The following ZNF629 variants were observed in gnomAD, a reference collection of about 807,000 sequenced individuals.
ZNF629 encodes the protein DNA-binding protein.
In ZNF629, 9 loss-of-function variants were observed where a neutral mutation model predicts 59.7. That is an observed-to-expected ratio of 0.15 (90% CI 0.09 to 0.26). The LOEUF is 0.26. ZNF629 is among the 10% of genes least tolerant of loss of function. The pLI is 1.00. For missense variants in ZNF629, 853 were observed against 1,165.4 expected (o/e 0.73, Z 3.90); for synonymous variants, 509 against 498.9 (o/e 1.02, Z -0.27).
In ZNF629 at chr16:30,787,187, C is replaced by T. The variant is rs2054342892; in HGVS notation, c.-193G>A. The T allele has an allele frequency of 6.5e-6, 1 of 153,004 alleles. No homozygotes were observed. 9.5% of individuals were successfully genotyped at this position (153,004 alleles called of 1,614,324 possible). A position where few individuals can be genotyped will look rare whatever the true frequency, so the allele number is the denominator to read the frequency against. On this transcript the variant is annotated 5_prime_UTR_variant, in exon 1 of 3. Coordinates refer to ENST00000262525, the MANE Select transcript of ZNF629 (RefSeq NM_001080417.3). ...GGACCCGGGGACCAGTTCAGGGTGA[C>T]TGGGACGGAGCAGGAAGTGACCCCA...
At position 30,782,768 on chromosome 16, in the gene ZNF629, C is replaced by T. The variant is rs1369970941; in HGVS notation, c.1560G>A (p.Gly520=). 1.2e-6 allele frequency: 2 copies of T among 1,613,766 alleles called. No individual in the cohort carries two copies. Among genetic ancestry groups the T allele is most frequent in the Non-Finnish European group, 1.7e-6 (2 of 1,179,886 alleles). Reference sequence around the variant, plus strand: ...GCTCGTGGGCTTCCAGGAAGGCCTTCCCGCAGTCGGAGCACACGAACAGGT... The same window carrying T: ...GCTCGTGGGCTTCCAGGAAGGCCTTTCCGCAGTCGGAGCACACGAACAGGT... ...DENLFVCSDC[G]KAFLEAHELE... Residue 520 remains glycine (G), a synonymous_variant, in exon 3 of 3, where the codon GGG becomes GGA. Coordinates refer to ENST00000262525, the MANE Select transcript of ZNF629 (RefSeq NM_001080417.3).
In ZNF629 at chr16:30,782,996, G is replaced by T. The variant is rs2054297908; in HGVS notation, c.1332C>A (p.Thr444=). The T allele has an allele frequency of 1.2e-6, 2 of 1,613,824 alleles. No homozygotes were observed. The highest frequency in any genetic ancestry group is 2.7e-5 in the African/African-American group (2 of 74,850). ...TGTGGATGCGCTGGTGGCGGATAAGGGTGGAGCTCATGATGAAGCTCTTGC... is the reference window on the plus strand; with the variant it reads ...TGTGGATGCGCTGGTGGCGGATAAGTGTGGAGCTCATGATGAAGCTCTTGC... ...DCGKSFIMSS[T]LIRHQRIHTG... The change falls in exon 3 of 3, where the codon ACC becomes ACA. Residue 444 remains threonine (T), a synonymous_variant. Coordinates refer to ENST00000262525, the MANE Select transcript of ZNF629 (RefSeq NM_001080417.3).
Position 30,783,231 on chromosome 16 carries a change from C to CGCT in ZNF629, c.1094_1096dup (p.Gln365dup). On this transcript the variant is annotated inframe_insertion, in exon 3 of 3. Coordinates refer to ENST00000262525, the MANE Select transcript of ZNF629 (RefSeq NM_001080417.3). ...GAACGGGTCCTCGCGCAGGTGAGTC[C>CGCT]GCTGGTGCTTGATGAGGGTGGAGCT... The CGCT allele has an allele frequency of 6.2e-7, 1 of 1,613,144 alleles. No individual in the cohort carries two copies. Among genetic ancestry groups the CGCT allele is most frequent in the Non-Finnish European group, 8.5e-7 (1 of 1,179,700 alleles).
In ZNF629 at chr16:30,780,718, ACT is replaced by A. The variant is rs2054272741; in HGVS notation, c.*998_*999del. On this transcript the variant is annotated 3_prime_UTR_variant, in exon 3 of 3. Coordinates refer to ENST00000262525, the MANE Select transcript of ZNF629 (RefSeq NM_001080417.3). The stretch of plus-strand genomic sequence containing the variant: ...TGCCTGGTGTGGGGAGAACCCTTGC[ACT>A]CTGAGAGCTGGGACCTGCCTGCTAC... 1 of 152,164 alleles carries A rather than the reference ACT, an allele frequency of 6.6e-6. No individual in the cohort carries two copies. Among genetic ancestry groups the A allele is most frequent in the South Asian group, 2.1e-4 (1 of 4,818 alleles). The allele number at this position is 152,164 out of a possible 1,614,324, so 9.4% of individuals were successfully genotyped here.
At position 30,783,209 on chromosome 16, in the gene ZNF629, C is replaced by G; in HGVS notation, c.1119G>C (p.Pro373=). ...TCTTGCCGCACACTGGGCACTTGAA[C>G]GGGTCCTCGCGCAGGTGAGTCCGCT... is the stretch of plus-strand genomic sequence containing the variant. The part of the protein sequence containing the change: ...KHQRTHLRED[P]FKCPVCGKTF... The change falls in exon 3 of 3, where the codon CCG becomes CCC. Residue 373 remains proline (P), a synonymous_variant. Coordinates refer to ENST00000262525, the MANE Select transcript of ZNF629 (RefSeq NM_001080417.3). The G allele has an allele frequency of 6.2e-7, 1 of 1,609,386 alleles. No homozygotes were observed. The highest frequency in any genetic ancestry group is 1.1e-5 in the South Asian group (1 of 90,874).
Position 30,783,248 on chromosome 16 carries a change from G to A in ZNF629, c.1080C>T (p.Thr360=), listed in dbSNP as rs772421214. 7 of 1,613,708 alleles carry A rather than the reference G, an allele frequency of 4.3e-6. No homozygotes were observed. In the East Asian group the frequency reaches 1.3e-4, roughly 31 times the overall value. Residue 360 remains threonine (T), a synonymous_variant, in exon 3 of 3, where the codon ACC becomes ACT. Transcript: ENST00000262525. ...ECGKSFGHSS[T]LIKHQRTHLR... The stretch of plus-strand genomic sequence containing the variant: ...GGTGAGTCCGCTGGTGCTTGATGAG[G>A]GTGGAGCTGTGGCCGAAGCTCTTGC...
At position 30,786,191 on chromosome 16, in the gene ZNF629, T is replaced by C. The variant is rs910265864; in HGVS notation, c.-34+837A>G. ...TTAGCGTTTAGGAAGTAAATTAATT[T>C]CTTCATCTCTGCAGCTACTTAAGCT... is the stretch of plus-strand genomic sequence containing the variant. On this transcript the variant is annotated intron_variant, in intron 1 of 2. Transcript: ENST00000262525. The surrounding 1 kb of genome is among the most constrained non-coding windows in gnomAD (Gnocchi z 4.8). Among the ~76,000 whole-genome samples the C allele has an allele frequency of 1.3e-5, 2 of 152,102 alleles. No individual in the cohort carries two copies. The highest frequency in any genetic ancestry group is 2.9e-5 in the Non-Finnish European group (2 of 68,024).
rs1228184973 is a variant in ZNF629 at position 30,779,006 on chromosome 16, G to C, written c.*2712C>G. 1 of 152,260 alleles carries C rather than the reference G, an allele frequency of 6.6e-6. No individual in the cohort carries two copies. The highest frequency in any genetic ancestry group is 1.5e-5 in the Non-Finnish European group (1 of 68,098). The allele number at this position is 152,260 out of a possible 1,614,324, so 9.4% of individuals were successfully genotyped here. ...TCCCAAGACGTAGCTCACTCTGGGA[G>C]GGAAGCTCCTGGTTAAAGGAGCTTG... On this transcript the variant is annotated 3_prime_UTR_variant, in exon 3 of 3. Coordinates refer to ENST00000262525, the MANE Select transcript of ZNF629 (RefSeq NM_001080417.3).
Position 30,782,492 on chromosome 16 carries a change from A to G in ZNF629, c.1836T>C (p.Pro612=). Residue 612 remains proline (P), a synonymous_variant, in exon 3 of 3, where the codon CCT becomes CCC. Coordinates refer to ENST00000262525, the MANE Select transcript of ZNF629 (RefSeq NM_001080417.3). ...GLIAHAAPKP[P]QLRSPRLPFR... ...AAGGGAGCCTTGGGGATCGTAACTG[A>G]GGAGGTTTGGGGGCTGCGTGTGCGA... 6.4e-7 allele frequency: 1 copy of G among 1,566,904 alleles called. No individual in the cohort carries two copies. Among genetic ancestry groups the G allele is most frequent in the Non-Finnish European group, 8.7e-7 (1 of 1,155,326 alleles).
rs1307733429 is a variant in ZNF629, at chr16:30,779,180, A to G, written c.*2538T>C. 1 of 152,138 alleles carries G rather than the reference A, an allele frequency of 6.6e-6. No individual in the cohort carries two copies. The highest frequency in any genetic ancestry group is 1.5e-5 in the Non-Finnish European group (1 of 68,066). The allele number at this position is 152,138 out of a possible 1,614,324, so 9.4% of individuals were successfully genotyped here. ...CCCCTTAGCCCTCACCCATCCCTACAACATGTGAGCATCCTACTAAATATG... is the reference window on the plus strand; with the variant it reads ...CCCCTTAGCCCTCACCCATCCCTACGACATGTGAGCATCCTACTAAATATG... On this transcript the variant is annotated 3_prime_UTR_variant, in exon 3 of 3. Transcript: ENST00000262525.
rs2054330188 is a variant in ZNF629 at position 30,786,155 on chromosome 16, A to G, written c.-34+873T>C. ...CTGCACCCTGCCAAAGAGCGGTAGG[A>G]GAGACAGAAGTTAGCGTTTAGGAAG... On this transcript the variant is annotated intron_variant, in intron 1 of 2. Transcript: ENST00000262525. The surrounding 1 kb of genome is among the most constrained non-coding windows in gnomAD (Gnocchi z 4.8). Among the ~76,000 whole-genome samples, 1 of 152,150 alleles carries G rather than the reference A, an allele frequency of 6.6e-6. No homozygotes were observed. The highest frequency in any genetic ancestry group is 2.4e-5 in the African/African-American group (1 of 41,434).
chr16:30,781,834 T>C lies in ZNF629; in HGVS notation c.2494A>G (p.Asn832Asp), dbSNP rs927638924. The C allele has an allele frequency of 6.2e-7, 1 of 1,600,866 alleles. No homozygotes were observed. Reference sequence around the variant, plus strand: ...TTTTCTTCCACTAGGGTTTTGGGGTTTTGCCCTTCCCCATGGCTGCTGCTC... The same window carrying C: ...TTTTCTTCCACTAGGGTTTTGGGGTCTTGCCCTTCCCCATGGCTGCTGCTC... ...TESSSHGEGQNPKTLVEEKPY... is the reference protein window; with the variant it reads ...TESSSHGEGQDPKTLVEEKPY... The change falls in exon 3 of 3, where the codon AAC becomes GAC. Residue 832 changes from asparagine to aspartate, a missense_variant. By Grantham distance (23) the Asn-to-Asp change is conservative (BLOSUM62 1). Transcript: ENST00000262525.
rs1027577478 is a variant in ZNF629 at position 30,778,592 on chromosome 16, A to G, written c.*3126T>C. ...CAAGTCCGGTGACTGGGGCTTCCCT[A>G]GTGAGGGCAAAGGAGTCTGGGAGCT... On this transcript the variant is annotated 3_prime_UTR_variant, in exon 3 of 3. Coordinates refer to ENST00000262525, the MANE Select transcript of ZNF629 (RefSeq NM_001080417.3). 6.6e-6 allele frequency: 1 copy of G among 152,654 alleles called. No individual in the cohort carries two copies. The highest frequency in any genetic ancestry group is 6.5e-5 in the Admixed American group (1 of 15,278). The allele number at this position is 152,654 out of a possible 1,614,324, so 9.5% of individuals were successfully genotyped here.
Position 30,784,529 on chromosome 16 carries a change from C to G in ZNF629, c.-33-14G>C. 1 of 1,493,792 alleles carries G rather than the reference C, an allele frequency of 6.7e-7. No individual in the cohort carries two copies. Among genetic ancestry groups the G allele is most frequent in the Non-Finnish European group, 8.9e-7 (1 of 1,122,468 alleles). The allele number at this position is 1,493,792 out of a possible 1,614,324, so 92.5% of individuals were successfully genotyped here. On this transcript the variant is annotated splice_polypyrimidine_tract_variant and intron_variant, in intron 1 of 2. Coordinates refer to ENST00000262525, the MANE Select transcript of ZNF629 (RefSeq NM_001080417.3). ...GTTCCAGGGACCCTGCGGGGGAAGA[C>G]AGCGATGAGCGCACACTGGGAGCTG... is the stretch of plus-strand genomic sequence containing the variant.
Position 30,781,502 on chromosome 16 carries a change from C to T in ZNF629, c.*216G>A. 1 of 406,204 alleles carries T rather than the reference C, an allele frequency of 2.5e-6. No individual in the cohort carries two copies. Among genetic ancestry groups the T allele is most frequent in the Non-Finnish European group, 4.3e-6 (1 of 232,468 alleles). The allele number at this position is 406,204 out of a possible 1,614,324, so 25.2% of individuals were successfully genotyped here. The stretch of plus-strand genomic sequence containing the variant: ...CATATTTATAGGGTTTCTAACCCAA[C>T]AGTTTTTCTCTACTGCCTTATAAGT... On this transcript the variant is annotated 3_prime_UTR_variant, in exon 3 of 3. Transcript: ENST00000262525.
At position 30,780,460 on chromosome 16, in the gene ZNF629, C is replaced by T. The variant is rs2054270235; in HGVS notation, c.*1258G>A. On this transcript the variant is annotated 3_prime_UTR_variant, in exon 3 of 3. Coordinates refer to ENST00000262525, the MANE Select transcript of ZNF629 (RefSeq NM_001080417.3). ...ATGACTTGGAGAAGGCTGGGGAGGC[C>T]CACACGCAGGCCCTAAGTCTCTGAA... 6.6e-6 allele frequency: 1 copy of T among 152,614 alleles called. No homozygotes were observed. The highest frequency in any genetic ancestry group is 1.5e-5 in the Non-Finnish European group (1 of 68,022). The allele number at this position is 152,614 out of a possible 1,614,324, so 9.5% of individuals were successfully genotyped here.
Position 30,782,684 on chromosome 16 carries a change from G to A in ZNF629, c.1644C>T (p.Gly548=), listed in dbSNP as rs372927017. Residue 548 remains glycine, a synonymous_variant, in exon 3 of 3, where the codon GGC becomes GGT. Transcript: ENST00000262525. ...GGTCCCCGAGCCCCAGCAGGCTGTC[G>A]CCCTGGGCCCTACGCGCTGGGGTCT... ...RGKTPARRAQ[G]DSLLGLGDPS... 1.6e-5 allele frequency: 25 copies of A among 1,603,220 alleles called. No individual in the cohort carries two copies. The highest frequency in any genetic ancestry group is 6.0e-6 in the Non-Finnish European group (7 of 1,175,268).
chr16:30,781,991 G>A lies in ZNF629; in HGVS notation c.2337C>T (p.Asp779=). Reference sequence around the variant, plus strand: ...CTTGGTGCCGGGTGAGGGCCACGCGGTCGAGGAAGGAGGCCCTGCAATCTG... The same window carrying A: ...CTTGGTGCCGGGTGAGGGCCACGCGATCGAGGAAGGAGGCCCTGCAATCTG... ...RCSDCRASFL[D]RVALTRHQET... The change falls in exon 3 of 3, where the codon GAC becomes GAT. Residue 779 remains aspartate, a synonymous_variant. Transcript: ENST00000262525. The A allele has an allele frequency of 6.4e-7, 1 of 1,565,560 alleles. No homozygotes were observed. The highest frequency in any genetic ancestry group is 8.7e-7 in the Non-Finnish European group (1 of 1,156,044).
In ZNF629 at chr16:30,781,537, C is replaced by G; in HGVS notation, c.*181G>C. 1 of 519,506 alleles carries G rather than the reference C, an allele frequency of 1.9e-6. No individual in the cohort carries two copies. The highest frequency in any genetic ancestry group is 3.1e-6 in the Non-Finnish European group (1 of 323,322). 32.2% of individuals were successfully genotyped at this position (519,506 alleles called of 1,614,324 possible). A position where few individuals can be genotyped will look rare whatever the true frequency, so the allele number is the denominator to read the frequency against. On this transcript the variant is annotated 3_prime_UTR_variant, in exon 3 of 3. Transcript: ENST00000262525. ...CTACTGCCTTATAAGTGCTTCCCAC[C>G]AACAATTTTATAGGGTTTCTCATCA... is the stretch of plus-strand genomic sequence containing the variant.
Sources: allele counts gnomAD v4.1 joint callset (sites outside exome capture counted in the v4.1 genomes callset), GRCh38; gene constraint gnomAD v4.1.1; non-coding constraint Gnocchi (gnomAD v3.1); transcripts MANE v1.5; gene names NCBI Gene and HGNC (gene_info 2026-07-23, HGNC 2026-07-21).